CLNK: variants seen among roughly 807,000 people sequenced by gnomAD.
The protein encoded by CLNK is cytokine-dependent hematopoietic cell linker.
CLNK carries 74 observed loss-of-function variants against 68.6 expected under a neutral mutation model. That is an observed-to-expected ratio of 1.08 (90% CI 0.89 to 1.31). The LOEUF is 1.31. Among genes scored for constraint, CLNK ranks in the 50% most tolerant of loss-of-function variants. The pLI, the probability that CLNK is intolerant of heterozygous loss-of-function variation, is 0.00. For missense variants in CLNK, 553 were observed against 515.3 expected (o/e 1.07, Z -0.71); for synonymous variants, 198 against 172.2 (o/e 1.15, Z -1.17).
the CLNK span, among the ~76,000 whole-genome samples, chr4:10,701,702 C>T: frequency 2.0e-5 from 3 of 152,200 alleles, no homozygotes; most frequent in Admixed American, 2.0e-4. Context: ...CTTACAATTA[C>T]TCTGTGAGGT....
At chr4:10,711,861 C>T in the CLNK span, among the ~76,000 whole-genome samples, 1 of 152,100 alleles carries the variant, frequency 6.6e-6, no homozygotes, top group Non-Finnish European at 1.5e-5. Flanking sequence ...TGATCTGCAC[C>T]ATAAAAAGAA....
At chr4:10,495,343 G>A (rs1318908339) in intron 18 of CLNK, among the ~76,000 whole-genome samples, 1 of 152,186 alleles carries the variant, frequency 6.6e-6, no homozygotes, top group Non-Finnish European at 1.5e-5. Context: ...TTTAAGGCAG[G>A]TGCCTCCTTG....
intron 17 of CLNK, among the ~76,000 whole-genome samples, chr4:10,501,947 A>G (rs1717071841): frequency 6.6e-6 from 1 of 152,222 alleles, no homozygotes; most frequent in African/African-American, 2.4e-5. Flanking sequence ...ACAAAAAGAA[A>G]AAAGAAAATC....
At chr4:10,609,953 G>T (rs542658342) in intron 2 of CLNK, among the ~76,000 whole-genome samples, 1 of 151,438 alleles carries the variant, frequency 6.6e-6, no homozygotes, top group East Asian at 1.9e-4. Flanking sequence ...AGGTGATCCG[G>T]GTCCCTTCTA....
intron 16 of CLNK, among the ~76,000 whole-genome samples, chr4:10,510,080 C>T (rs1717506679): frequency 6.6e-6 from 1 of 152,090 alleles, no homozygotes; most frequent in Non-Finnish European, 1.5e-5. Flanking sequence ...TTCATCAAGT[C>T]GGTTTTTATT....
At chr4:10,582,702 C>T (rs763283670) in intron 4 of CLNK, among the ~76,000 whole-genome samples, 8 of 151,846 alleles carry the variant, frequency 5.3e-5, no homozygotes, top group African/African-American at 7.3e-5. Flanking sequence ...GAATATTTTT[C>T]GATAGATTGT....
chr4:10,676,323 A>G (rs915467139), intron 1 of CLNK, among the ~76,000 whole-genome samples: 14 of 151,870 alleles, frequency 9.2e-5, no homozygotes, highest in Admixed American at 5.9e-4. Context: ...AATTAAATAT[A>G]ACATTTAATT....
intron 2 of CLNK, among the ~76,000 whole-genome samples, chr4:10,648,929 T>C (rs1184574561): frequency 2.0e-5 from 3 of 152,182 alleles, no homozygotes; most frequent in Admixed American, 2.0e-4. Flanking sequence ...GGTTTTTGCA[T>C]CTTAATATAT....
chr4:10,548,852 G>A (rs2108812949), intron 8 of CLNK, among the ~76,000 whole-genome samples: 1 of 152,200 alleles, frequency 6.6e-6, no homozygotes, highest in Admixed American at 6.5e-5. Flanking sequence ...TTTATTTCTG[G>A]GCTCTGCACT....
the CLNK span, among the ~76,000 whole-genome samples, chr4:10,721,984 G>A: frequency 6.6e-6 from 1 of 152,026 alleles, no homozygotes; most frequent in Non-Finnish European, 1.5e-5. Flanking sequence ...TGAGACCATC[G>A]TGGGAAGCAT....
chr4:10,593,305 C>T (rs1445049971), intron 3 of CLNK, among the ~76,000 whole-genome samples: 3 of 151,712 alleles, frequency 2.0e-5, no homozygotes, highest in Non-Finnish European at 4.4e-5. Context: ...CCAGCAGGTT[C>T]CTGGGCTTGC....
rs1013007555 is a variant in CLNK at position 10,577,821 on chromosome 4, A to AT, written c.113-6044dup. 9.3e-4 allele frequency among the ~76,000 whole-genome samples: 142 copies of AT among 151,966 alleles called. 1 individual carries two copies. Among genetic ancestry groups the AT allele is most frequent in the African/African-American group, 3.3e-3 (135 of 41,372 alleles). On this transcript the variant is annotated intron_variant, in intron 4 of 18. Transcript: ENST00000226951. ...TAAACGTCTATCGTGTTTAAGCCCC[A>AT]TTTTTTTAAATGTCTTGCAGCCTTT...
At chr4:10,635,260 TG>T (rs1261659879) in intron 2 of CLNK, among the ~76,000 whole-genome samples, 1 of 152,208 alleles carries the variant, frequency 6.6e-6, no homozygotes, top group African/African-American at 2.4e-5. Flanking sequence ...CCATTGTGAC[TG>T]GCAACTTCCT....
chr4:10,689,974 G>A, the CLNK span, among the ~76,000 whole-genome samples: 2,731 of 151,910 alleles, frequency 0.018, 98 homozygotes, highest in African/African-American at 0.063. Flanking sequence ...TGTGATTTCT[G>A]TTTCACAACG....
chr4:10,617,812 T>C (rs1046528826), intron 2 of CLNK, among the ~76,000 whole-genome samples: 3 of 152,208 alleles, frequency 2.0e-5, no homozygotes, highest in African/African-American at 7.2e-5. Context: ...CTACTATGAG[T>C]GTAATCAGGA....
chr4:10,538,887 A>AGGTTGGTTAAAAATAG (rs1378076403), intron 11 of CLNK, among the ~76,000 whole-genome samples: 1 of 152,228 alleles, frequency 6.6e-6, no homozygotes, highest in Non-Finnish European at 1.5e-5. Flanking sequence ...GGTTAAAAAT[A>AGGTTGGTTAAAAATAG]GGTTGGTTAA....
intron 1 of CLNK, among the ~76,000 whole-genome samples, chr4:10,676,847 C>T (rs997824072): frequency 6.6e-6 from 1 of 151,768 alleles, no homozygotes; most frequent in African/African-American, 2.4e-5. Flanking sequence ...TCTTCCTTCT[C>T]TCTGCTCTTA....
intron 5 of CLNK, among the ~76,000 whole-genome samples, chr4:10,568,877 T>C (rs913005546): frequency 6.6e-6 from 1 of 152,222 alleles, no homozygotes; most frequent in South Asian, 2.1e-4. Flanking sequence ...ATGGTCAAGC[T>C]GCCAAATCTG....
At chr4:10,620,274 T>G (rs563952927) in intron 2 of CLNK, among the ~76,000 whole-genome samples, 1 of 152,312 alleles carries the variant, frequency 6.6e-6, no homozygotes, top group Non-Finnish European at 1.5e-5. Flanking sequence ...GTTCCCGAGA[T>G]GCACCATTTT....
Sources: gnomAD v4.1 joint callset for allele counts (sites outside exome capture counted in the v4.1 genomes callset) on GRCh38, gnomAD v4.1.1 for gene constraint, MANE v1.5 for transcripts, NCBI Gene and HGNC (gene_info 2026-07-23, HGNC 2026-07-21) for gene names.